COIL: variants seen among roughly 807,000 people sequenced by gnomAD.
COIL encodes the protein coilin.
In COIL, 28 loss-of-function variants were observed where a neutral mutation model predicts 51.6. The observed-to-expected ratio is 0.54, with a 90% CI of 0.40 to 0.74. The LOEUF is 0.74. COIL is among the 30% of genes least tolerant of loss of function. The pLI, the probability that COIL is intolerant of heterozygous loss-of-function variation, is 0.00. For missense variants in COIL, 667 were observed against 685.9 expected (o/e 0.97, Z 0.31); for synonymous variants, 233 against 255.8 (o/e 0.91, Z 0.85).
chr17:56,950,055 C>T lies in COIL; in HGVS notation c.1187G>A (p.Gly396Asp). The T allele has an allele frequency of 1.2e-6, 2 of 1,614,158 alleles. No individual in the cohort carries two copies. Among genetic ancestry groups the T allele is most frequent in the South Asian group, 1.1e-5 (1 of 91,072 alleles). Residue 396 changes from glycine (G) to aspartate (D), a missense_variant, in exon 2 of 7, where the codon GGT becomes GAT. By Grantham distance (94) the Gly-to-Asp change is moderately conservative (BLOSUM62 -1). Coordinates refer to ENST00000240316, the MANE Select transcript of COIL (RefSeq NM_004645.3). ...SLPASLGRGW[G>D]REENLFSWKG... The stretch of plus-strand genomic sequence containing the variant: ...CCAAGAAAAAAGGTTCTCTTCTCTA[C>T]CCCATCCTCTTCCTAAACTAGCAGG...
At chr17:56,956,053 G>A (rs1206901933) in intron 1 of COIL, among the ~76,000 whole-genome samples, 2 of 152,180 alleles carry the variant, frequency 1.3e-5, no homozygotes, top group Admixed American at 6.5e-5. Context: ...AAAAGTATAA[G>A]TACATATGGT....
intron 1 of COIL, among the ~76,000 whole-genome samples, chr17:56,954,332 G>C (rs761121386): frequency 6.6e-6 from 1 of 152,116 alleles, no homozygotes; most frequent in Non-Finnish European, 1.5e-5. Flanking sequence ...GGAGGCTGAG[G>C]TGGGCAGATC....
rs140615926 is a variant in COIL at position 56,950,643 on chromosome 17, G to C, written c.599C>G (p.Pro200Arg). 2.5e-6 allele frequency: 4 copies of C among 1,611,772 alleles called. No individual in the cohort carries two copies. Among genetic ancestry groups the C allele is most frequent in the Non-Finnish European group, 3.4e-6 (4 of 1,179,536 alleles). Residue 200 changes from proline to arginine, a missense_variant, in exon 2 of 7, where the codon CCC (proline) becomes CGC (arginine). Transcript: ENST00000240316. ...KCEYKKKAKN[P>R]KSPKVQAVKD... ...CACTGCCTGTACTTTCGGAGACTTG[G>C]GATTCTTAGCCTTTTTTTTATATTC...
chr17:56,952,226 A>G, intron 1 of COIL: 1 of 501,784 alleles, frequency 2.0e-6, no homozygotes, highest in East Asian at 5.6e-5. Flanking sequence ...CTAAACAAGT[A>G]TGGAATAATC....
In COIL at chr17:56,950,184, G is replaced by C. The variant is rs781014769; in HGVS notation, c.1058C>G (p.Pro353Arg). ...AGTCTGTGATGACAGCCCTGGGCCT[G>C]GACGACCTCTTCCTGCAAAAAGGCC... Reference protein sequence around the residue: ...TVGLFAGRGRPGPGLSSQTAG... With the variant: ...TVGLFAGRGRRGPGLSSQTAG... Residue 353 changes from proline (P) to arginine (R), a missense_variant, in exon 2 of 7, where the codon CCA becomes CGA. By Grantham distance (103) the Pro-to-Arg change is moderately radical. Transcript: ENST00000240316. 17 of 1,614,016 alleles carry C rather than the reference G, an allele frequency of 1.1e-5. No individual in the cohort carries two copies. The highest frequency in any genetic ancestry group is 1.3e-5 in the Non-Finnish European group (15 of 1,180,042).
intron 1 of COIL, 44 bp downstream of exon 1, chr17:56,960,731 C>T: frequency 6.9e-7 from 1 of 1,456,320 alleles, no homozygotes. Flanking sequence ...GGCGCGTCCC[C>T]CGCCCGCCGC....
At chr17:56,958,470 G>A (rs1436029673) in intron 1 of COIL, among the ~76,000 whole-genome samples, 1 of 152,238 alleles carries the variant, frequency 6.6e-6, no homozygotes, top group Admixed American at 6.5e-5. Context: ...ATTTGCCACT[G>A]AAGCCACTAG....
intron 4 of COIL, 56 bp downstream of exon 4, chr17:56,949,331 T>A: frequency 1.5e-6 from 2 of 1,375,126 alleles, no homozygotes; most frequent in South Asian, 2.6e-5. Flanking sequence ...TAGTATTAAA[T>A]ATGACTTTAG....
intron 6 of COIL, among the ~76,000 whole-genome samples, chr17:56,939,402 T>C (rs976300978): frequency 2.0e-5 from 3 of 151,896 alleles, no homozygotes; most frequent in Admixed American, 6.6e-5. Flanking sequence ...AAGATCAGCC[T>C]GGGAAACCTA....
At chr17:56,954,494 G>A (rs1037663176) in intron 1 of COIL, among the ~76,000 whole-genome samples, 1 of 151,952 alleles carries the variant, frequency 6.6e-6, no homozygotes, top group Admixed American at 6.6e-5. Flanking sequence ...CCAGGAGGCA[G>A]AGGGTGCAGT....
intron 1 of COIL, among the ~76,000 whole-genome samples, chr17:56,953,296 A>C (rs943862600): frequency 6.6e-6 from 1 of 151,200 alleles, no homozygotes; most frequent in African/African-American, 2.4e-5. Context: ...CTGTAGTCCC[A>C]GCTACTCGGG....
chr17:56,946,591 T>C, intron 4 of COIL, 80 bp from the exon 5 acceptor site: 1 of 819,546 alleles, frequency 1.2e-6, no homozygotes. Flanking sequence ...TTGTAGACTT[T>C]AAAATGGTTA....
At chr17:56,945,261 C>G (rs1910226150) in intron 5 of COIL, among the ~76,000 whole-genome samples, 1 of 152,042 alleles carries the variant, frequency 6.6e-6, no homozygotes, top group Non-Finnish European at 1.5e-5. Context: ...TCACTTGAAC[C>G]TGGGAGGCGG....
At chr17:56,957,404 G>C (rs1490910978) in intron 1 of COIL, among the ~76,000 whole-genome samples, 1 of 152,082 alleles carries the variant, frequency 6.6e-6, no homozygotes, top group Non-Finnish European at 1.5e-5. Context: ...CAAATCACTT[G>C]AGGTCACAAG....
intron 1 of COIL, among the ~76,000 whole-genome samples, chr17:56,957,117 C>A (rs1176927529): frequency 6.6e-6 from 1 of 151,276 alleles, no homozygotes; most frequent in Non-Finnish European, 1.5e-5. Context: ...AAATAAAAAA[C>A]TGCACCTGTA....
At chr17:56,955,681 G>A (rs756350596) in intron 1 of COIL, among the ~76,000 whole-genome samples, 32 of 152,144 alleles carry the variant, frequency 2.1e-4, no homozygotes, top group Non-Finnish European at 4.1e-4. Context: ...GCCTGACTCA[G>A]AACAAGTGAT....
intron 3 of COIL, 60 bp downstream of exon 3, chr17:56,949,621 G>A (rs1339862627): frequency 1.3e-6 from 2 of 1,498,466 alleles, no homozygotes; most frequent in South Asian, 1.1e-5. Context: ...GATTTTCTAA[G>A]TAAGTTTATT....
At chr17:56,959,929 A>AT (rs1459353230) in intron 1 of COIL, among the ~76,000 whole-genome samples, 1 of 152,254 alleles carries the variant, frequency 6.6e-6, no homozygotes, top group Non-Finnish European at 1.5e-5. Flanking sequence ...TACACTGCAG[A>AT]TTCCAGCCAG....
At position 56,950,039 on chromosome 17, in the gene COIL, A is replaced by T; in HGVS notation, c.1203T>A (p.Leu401=). Reference sequence around the variant, plus strand: ...GTCCCTTAGCTCCCTTCCAAGAAAAAAGGTTCTCTTCTCTACCCCATCCTC... The same window carrying T: ...GTCCCTTAGCTCCCTTCCAAGAAAATAGGTTCTCTTCTCTACCCCATCCTC... The part of the protein sequence containing the change: ...LGRGWGREEN[L]FSWKGAKGRG... The change falls in exon 2 of 7, where the codon CTT becomes CTA. Residue 401 remains leucine, a synonymous_variant. Transcript: ENST00000240316. The T allele has an allele frequency of 6.2e-7, 1 of 1,613,970 alleles. No individual in the cohort carries two copies. The highest frequency in any genetic ancestry group is 8.5e-7 in the Non-Finnish European group (1 of 1,179,992).
Sources: allele counts gnomAD v4.1 joint callset (sites outside exome capture counted in the v4.1 genomes callset), GRCh38; gene constraint gnomAD v4.1.1; transcripts MANE v1.5; gene names NCBI Gene and HGNC (gene_info 2026-07-23, HGNC 2026-07-21).